PTPRE: variants seen among roughly 807,000 people sequenced by gnomAD.
PTPRE encodes the protein receptor-type tyrosine-protein phosphatase epsilon.
PTPRE carries 51 observed loss-of-function variants against 102.0 expected under a neutral mutation model. The observed-to-expected ratio is 0.50, with a 90% CI of 0.40 to 0.63. The LOEUF (loss-of-function observed/expected upper bound fraction) is 0.63. Among genes scored for constraint, PTPRE ranks in the 30% least tolerant of loss-of-function variants. PTPRE has a pLI of 0.00. For missense variants in PTPRE, 752 were observed against 915.1 expected, an observed-to-expected ratio of 0.82 and a Z score of 2.30; for synonymous variants, 345 against 348.2, an observed-to-expected ratio of 0.99 and a Z score of 0.10.
intron 6 of PTPRE, among the ~76,000 whole-genome samples, chr10:128,054,207 G>A (rs925884048): frequency 1.3e-5 from 2 of 152,132 alleles, no homozygotes; most frequent in Admixed American, 6.6e-5. Context: ...TGTTTCAACT[G>A]CTGCAATTGA....
chr10:127,981,391 A>C (rs1023566010), intron 1 of PTPRE, among the ~76,000 whole-genome samples: 44 of 152,368 alleles, frequency 2.9e-4, no homozygotes, highest in Admixed American at 1.9e-3. Flanking sequence ...ATTAGATTAC[A>C]TTGATGGTTT....
intron 6 of PTPRE, among the ~76,000 whole-genome samples, chr10:128,055,730 TC>T: frequency 6.6e-6 from 1 of 152,128 alleles, no homozygotes; most frequent in South Asian, 2.1e-4. Context: ...CTGTCCTCGC[TC>T]CCCCATCTCC....
intron 2 of PTPRE, among the ~76,000 whole-genome samples, chr10:128,026,454 T>G (rs1846299316): frequency 1.3e-5 from 2 of 152,188 alleles, no homozygotes; most frequent in Non-Finnish European, 2.9e-5. Flanking sequence ...CCACTTCCAG[T>G]GGGTCAGCTC....
chr10:128,048,984 C>T (rs368487031), intron 5 of PTPRE, among the ~76,000 whole-genome samples: 30 of 152,290 alleles, frequency 2.0e-4, no homozygotes, highest in African/African-American at 5.8e-4. Flanking sequence ...CCTTATAACG[C>T]GTACTTCTCC....
At chr10:127,998,982 A>G (rs1334510359) in intron 2 of PTPRE, 2 of 152,094 alleles carry the variant, frequency 1.3e-5, no homozygotes, top group African/African-American at 4.8e-5. Context: ...GAAGTGCTGT[A>G]GAAGGGGGCA....
intron 17 of PTPRE, among the ~76,000 whole-genome samples, chr10:128,075,876 T>C (rs1851173147): frequency 6.6e-6 from 1 of 152,242 alleles, no homozygotes; most frequent in African/African-American, 2.4e-5. Flanking sequence ...TGCCTTTCAC[T>C]GATTTTTCTA....
chr10:127,912,951 C>T (rs1284103128), intron 1 of PTPRE, among the ~76,000 whole-genome samples: 1 of 152,234 alleles, frequency 6.6e-6, no homozygotes, highest in Non-Finnish European at 1.5e-5. Context: ...AAGTGGAAGC[C>T]ACGGGGCTTT....
At chr10:128,016,981 A>C (rs1845487519) in intron 2 of PTPRE, among the ~76,000 whole-genome samples, 1 of 152,204 alleles carries the variant, frequency 6.6e-6, no homozygotes, top group African/African-American at 2.4e-5. Context: ...GAGTTTAGGA[A>C]ATGTGGGTGG....
At chr10:128,053,946 AG>A (rs1848748438) in intron 6 of PTPRE, among the ~76,000 whole-genome samples, 1 of 151,962 alleles carries the variant, frequency 6.6e-6, no homozygotes, top group South Asian at 2.1e-4. Context: ...TTTTTAGTAG[AG>A]ACGGGGTTTC....
chr10:128,003,232 C>T (rs1187566952), intron 2 of PTPRE, among the ~76,000 whole-genome samples: 1 of 152,144 alleles, frequency 6.6e-6, no homozygotes, highest in Non-Finnish European at 1.5e-5. Context: ...TCAGCACACG[C>T]CTGCACGTGA....
At chr10:128,019,309 G>A (rs1386902760) in intron 2 of PTPRE, among the ~76,000 whole-genome samples, 2 of 152,244 alleles carry the variant, frequency 1.3e-5, no homozygotes, top group East Asian at 3.9e-4. Context: ...TCATAAGGTT[G>A]TGAGGACAAG....
At position 128,084,086 on chromosome 10, in the gene PTPRE, C is replaced by G. The variant is rs945608811; in HGVS notation, c.*1180C>G. Reference sequence around the variant, plus strand: ...TTTTGAATGGAAATACTACTGAGACCATTGACACTGGATAACAGTAATGAT... The same window carrying G: ...TTTTGAATGGAAATACTACTGAGACGATTGACACTGGATAACAGTAATGAT... On this transcript the variant is annotated 3_prime_UTR_variant, in exon 21 of 21. Transcript: ENST00000254667. The G allele has an allele frequency of 7.9e-5, 12 of 150,962 alleles. No homozygotes were observed. Among genetic ancestry groups the G allele is most frequent in the Non-Finnish European group, 1.0e-4 (7 of 67,910 alleles). 9.4% of individuals were successfully genotyped at this position (150,962 alleles called of 1,614,324 possible). A position where few individuals can be genotyped will look rare whatever the true frequency, so the allele number is the denominator to read the frequency against.
intron 1 of PTPRE, among the ~76,000 whole-genome samples, chr10:127,964,465 C>A (rs1850081582): frequency 6.6e-6 from 1 of 152,194 alleles, no homozygotes; most frequent in South Asian, 2.1e-4. Context: ...GCCACCATAC[C>A]CGGCCTCCTT....
intron 2 of PTPRE, among the ~76,000 whole-genome samples, chr10:128,011,414 G>C (rs910325436): frequency 2.6e-5 from 4 of 152,202 alleles, no homozygotes; most frequent in Non-Finnish European, 5.9e-5. Context: ...GGTGACTGGG[G>C]GACCCCGGAG....
At chr10:128,033,833 C>T (rs1846979768) in intron 2 of PTPRE, among the ~76,000 whole-genome samples, 1 of 152,156 alleles carries the variant, frequency 6.6e-6, no homozygotes, top group South Asian at 2.1e-4. Context: ...TTAGTAGAGG[C>T]GGGGTTTTGC....
chr10:127,999,872 G>T (rs1853688462), intron 2 of PTPRE: 1 of 985,396 alleles, frequency 1.0e-6, no homozygotes, highest in South Asian at 4.7e-5. Context: ...GCTTGGAAAT[G>T]TTCAAATTAT....
intron 6 of PTPRE, among the ~76,000 whole-genome samples, chr10:128,052,355 GT>G (rs577583591): frequency 1.3e-5 from 2 of 152,192 alleles, no homozygotes; most frequent in African/African-American, 2.4e-5. Context: ...GGCAAACTTG[GT>G]GGGGATGAAA....
intron 1 of PTPRE, among the ~76,000 whole-genome samples, chr10:127,981,120 G>C (rs1186348066): frequency 6.6e-6 from 1 of 152,260 alleles, no homozygotes; most frequent in Middle Eastern, 3.4e-3. Context: ...ATATTATTCA[G>C]CCATTAAAAG....
intron 1 of PTPRE, among the ~76,000 whole-genome samples, chr10:127,957,140 G>A (rs1480920518): frequency 1.3e-5 from 2 of 152,060 alleles, no homozygotes; most frequent in Non-Finnish European, 2.9e-5. Flanking sequence ...TATCTAAAAA[G>A]TCATCCCCTT....
Sources: gnomAD v4.1 joint callset for allele counts (sites outside exome capture counted in the v4.1 genomes callset) on GRCh38, gnomAD v4.1.1 for gene constraint, MANE v1.5 for transcripts, NCBI Gene and HGNC (gene_info 2026-07-23, HGNC 2026-07-21) for gene names.